The following SDK1 variants were observed in gnomAD, a reference collection of about 807,000 sequenced individuals.
SDK1 encodes the protein sidekick cell adhesion molecule 1.
A neutral mutation model predicts 245.5 loss-of-function variants in SDK1; 157 were observed. The observed-to-expected ratio is 0.64, with a 90% confidence interval of 0.56 to 0.73. The LOEUF is 0.73. Among genes scored for constraint, SDK1 ranks in the 30% least tolerant of loss-of-function variants. The pLI, the probability that SDK1 is intolerant of heterozygous loss-of-function variation, is 0.00. For missense variants in SDK1, 3,583 were observed against 3,002.3 expected, an observed-to-expected ratio of 1.19 and a Z score of -4.52; for synonymous variants, 1,647 against 1,278.5, an observed-to-expected ratio of 1.29 and a Z score of -6.15.
At chr7:4,226,248 C>G (rs983857903) in intron 40 of SDK1, among the ~76,000 whole-genome samples, 20 of 152,220 alleles carry the variant, frequency 1.3e-4, no homozygotes, top group African/African-American at 4.6e-4. Context: ...CACAGGGGCC[C>G]TCACCGCTGG....
chr7:3,574,844 C>T (rs1435004927), intron 1 of SDK1, among the ~76,000 whole-genome samples: 1 of 151,986 alleles, frequency 6.6e-6, no homozygotes, highest in African/African-American at 2.4e-5. Context: ...GTTAGAATTA[C>T]AGAATTAAGA....
At chr7:3,656,426 G>C (rs976963772) in intron 4 of SDK1, among the ~76,000 whole-genome samples, 4 of 152,138 alleles carry the variant, frequency 2.6e-5, no homozygotes, top group Admixed American at 1.3e-4. Context: ...ATACCTCCTT[G>C]CACTGACATT....
At chr7:3,968,186 A>G (rs1055081304) in intron 10 of SDK1, among the ~76,000 whole-genome samples, 3 of 152,192 alleles carry the variant, frequency 2.0e-5, no homozygotes, top group African/African-American at 7.2e-5. Context: ...AGATGCTTCC[A>G]GGGCCACATC....
intron 36 of SDK1, among the ~76,000 whole-genome samples, chr7:4,206,791 A>T (rs1784250188): frequency 6.6e-6 from 1 of 152,064 alleles, no homozygotes; most frequent in South Asian, 2.1e-4. Context: ...TTCTGCTGGG[A>T]CCCAAGTCGA....
intron 5 of SDK1, among the ~76,000 whole-genome samples, chr7:3,864,163 T>C (rs575536978): frequency 2.0e-5 from 3 of 152,366 alleles, no homozygotes; most frequent in Non-Finnish European, 2.9e-5. Flanking sequence ...AGTAGGCTGG[T>C]CTATTTTTCA....
At chr7:3,633,946 A>C (rs1782378562) in intron 2 of SDK1, among the ~76,000 whole-genome samples, 1 of 151,970 alleles carries the variant, frequency 6.6e-6, no homozygotes, top group South Asian at 2.1e-4. Context: ...TTGGCACTGG[A>C]CACTCCCCTA....
At chr7:3,688,730 A>G (rs557512265) in intron 4 of SDK1, among the ~76,000 whole-genome samples, 74 of 152,306 alleles carry the variant, frequency 4.9e-4, no homozygotes, top group Middle Eastern at 3.4e-3. Context: ...GCTACAGTGA[A>G]CTTTTTAGAG....
chr7:3,960,405 C>CT (rs1781585508), intron 8 of SDK1, among the ~76,000 whole-genome samples: 1 of 152,264 alleles, frequency 6.6e-6, no homozygotes, highest in East Asian at 1.9e-4. Context: ...CCCCCAGGAC[C>CT]TGAAGCCCTG....
In SDK1 at chr7:4,104,049, C is replaced by T. The variant is rs374901011; in HGVS notation, c.3325-6614C>T. On this transcript the variant is annotated intron_variant, in intron 22 of 44. Coordinates refer to ENST00000404826, the MANE Select transcript of SDK1 (RefSeq NM_152744.4). ...CCCCTGGGCCGGAGTTTGCTGACTG[C>T]AGTACTAGAGCCCTGCTTGTTTGTG... is the stretch of plus-strand genomic sequence containing the variant. Among the ~76,000 whole-genome samples, 5 of 152,354 alleles carry T rather than the reference C, an allele frequency of 3.3e-5. 1 individual carries two copies. In the East Asian group the frequency reaches 5.8e-4, roughly 18 times the overall value.
At chr7:3,679,667 G>T (rs1288288959) in intron 4 of SDK1, among the ~76,000 whole-genome samples, 2 of 152,214 alleles carry the variant, frequency 1.3e-5, no homozygotes, top group African/African-American at 2.4e-5. Context: ...GCCATCATTG[G>T]CCATTAGGAA....
At chr7:3,692,834 G>C (rs1041915263) in intron 4 of SDK1, among the ~76,000 whole-genome samples, 1 of 152,028 alleles carries the variant, frequency 6.6e-6, no homozygotes, top group Non-Finnish European at 1.5e-5. Flanking sequence ...TTTGTGTCGA[G>C]TTTACGTATC....
chr7:3,362,037 C>T (rs982455342), intron 1 of SDK1, among the ~76,000 whole-genome samples: 3 of 151,996 alleles, frequency 2.0e-5, no homozygotes, highest in Admixed American at 1.3e-4. Context: ...TTTATTATTG[C>T]GATTTTAAAG....
chr7:3,353,420 G>T (rs1780712139), intron 1 of SDK1, among the ~76,000 whole-genome samples: 1 of 151,842 alleles, frequency 6.6e-6, no homozygotes. Context: ...CCCAATTTTT[G>T]AAGTAACCAT....
chr7:3,394,216 A>T (rs1304566991), intron 1 of SDK1, among the ~76,000 whole-genome samples: 1 of 152,078 alleles, frequency 6.6e-6, no homozygotes, highest in Admixed American at 6.5e-5. Context: ...CCTCATTTTG[A>T]GTTAACTTTG....
chr7:4,107,643 G>T (rs1263187413), intron 22 of SDK1, among the ~76,000 whole-genome samples: 1 of 152,114 alleles, frequency 6.6e-6, no homozygotes, highest in Non-Finnish European at 1.5e-5. Flanking sequence ...CATTCAACAC[G>T]GAGGCACTTT....
At chr7:3,569,099 A>G (rs1006083741) in intron 1 of SDK1, among the ~76,000 whole-genome samples, 10 of 147,722 alleles carry the variant, frequency 6.8e-5, no homozygotes, top group Non-Finnish European at 1.2e-4. Flanking sequence ...ATTTTTTTAT[A>G]TTTACTCATT....
At chr7:4,038,811 C>A (rs1191713970) in intron 17 of SDK1, among the ~76,000 whole-genome samples, 1 of 152,178 alleles carries the variant, frequency 6.6e-6, no homozygotes, top group Non-Finnish European at 1.5e-5. Flanking sequence ...TTTCCCAGTT[C>A]TGATCTTTTT....
chr7:3,391,195 T>C (rs1003903561), intron 1 of SDK1, among the ~76,000 whole-genome samples: 1 of 150,904 alleles, frequency 6.6e-6, no homozygotes, highest in African/African-American at 2.5e-5. Flanking sequence ...CTATGTCTTC[T>C]GCAATTTGTT....
intron 1 of SDK1, among the ~76,000 whole-genome samples, chr7:3,358,522 C>T (rs534071159): frequency 1.6e-3 from 249 of 152,036 alleles, no homozygotes; most frequent in Non-Finnish European, 2.6e-3. Flanking sequence ...AGGTAGTGTG[C>T]CCAGAGTCAG....
Sources: gnomAD v4.1 joint callset for allele counts (sites outside exome capture counted in the v4.1 genomes callset) on GRCh38, gnomAD v4.1.1 for gene constraint, MANE v1.5 for transcripts, NCBI Gene and HGNC (gene_info 2026-07-23, HGNC 2026-07-21) for gene names.